The following NXT2 variants were observed in gnomAD, a reference collection of about 807,000 sequenced individuals.
The protein encoded by NXT2 is NTF2-related export protein 2.
NXT2 carries 1 observed loss-of-function variant against 9.6 expected under a neutral mutation model. The observed-to-expected ratio is 0.10, with a 90% CI of 0.04 to 0.49. NXT2 has a LOEUF of 0.49. Among genes scored for constraint, NXT2 ranks in the 20% least tolerant of loss-of-function variants. The pLI is 0.95. For synonymous variants in NXT2, 22 were observed against 35.4 expected, an observed-to-expected ratio of 0.62 and a Z score of 1.34; for missense variants, 48 against 100.3, an observed-to-expected ratio of 0.48 and a Z score of 2.23.
At chrX:109,541,443 T>C in intron 2 of NXT2, 32 bp from the exon 3 acceptor site, 1 of 1,139,045 alleles carries the variant, frequency 8.8e-7, no homozygotes, top group Non-Finnish European at 1.2e-6. Context: ...AACAGAATTA[T>C]TTCCCTTTTT....
chrX:109,544,345 T>C lies in NXT2; in HGVS notation c.*1657T>C. 2 of 112,775 alleles carry C rather than the reference T, an allele frequency of 1.8e-5. No individual in the cohort carries two copies. The highest frequency in any genetic ancestry group is 5.5e-4 in the East Asian group (2 of 3,607). The allele number at this position is 112,775 out of a possible 1,213,427, so 9.3% of individuals were successfully genotyped here. ...AAACCATGCTTTCTTGTAGTACTGA[T>C]TGAAACTTACACGTTTTATTCTACT... is the stretch of plus-strand genomic sequence containing the variant. On this transcript the variant is annotated 3_prime_UTR_variant, in exon 4 of 4. Coordinates refer to ENST00000372106, the MANE Select transcript of NXT2 (RefSeq NM_001242617.2).
Position 109,542,665 on chromosome X carries a change from T to A in NXT2, c.406T>A (p.Phe136Ile). The change falls in exon 4 of 4, where the codon TTT (phenylalanine) becomes ATT (isoleucine). Residue 136 changes from phenylalanine (F) to isoleucine (I), a missense_variant. By Grantham distance (21) the Phe-to-Ile change is conservative. Coordinates refer to ENST00000372106, the MANE Select transcript of NXT2 (RefSeq NM_001242617.2). ...GAAGATTGCAAGTGATTGCTTCCGT[T>A]TTCAAGATTGGTCTAGTAGTTAAAG... The part of the protein sequence containing the change: ...VWKIASDCFR[F>I]QDWSSS 8.3e-7 allele frequency: 1 copy of A among 1,198,834 alleles called. No homozygotes were observed.
chrX:109,535,830 C>G, upstream of NXT2: 1 of 944,639 alleles, frequency 1.1e-6, no homozygotes, highest in South Asian at 2.4e-5. Flanking sequence ...AAGAAGCTTC[C>G]GTTAGTCCTA....
intron 1 of NXT2, 92 bp downstream of exon 1, chrX:109,537,113 G>A (rs1381624087): frequency 1.6e-5 from 18 of 1,123,099 alleles, no homozygotes; most frequent in Non-Finnish European, 1.9e-5. Context: ...TGCTCACGTG[G>A]ATAGGTGACG....
intron 2 of NXT2, among the ~76,000 whole-genome samples, chrX:109,539,644 A>T (rs1421255418): frequency 9.1e-6 from 1 of 109,686 alleles, no homozygotes; most frequent in Admixed American, 9.7e-5. Flanking sequence ...GGATTTTTTC[A>T]TATGTTTGCT....
chrX:109,537,907 T>A, intron 1 of NXT2, 138 bp from the exon 2 acceptor site: 1 of 381,829 alleles, frequency 2.6e-6, no homozygotes, highest in Non-Finnish European at 4.6e-6. Context: ...TTAAAATGTC[T>A]GAATTTATAT....
chrX:109,541,197 T>C (rs937826679), intron 2 of NXT2, among the ~76,000 whole-genome samples: 1 of 111,430 alleles, frequency 9.0e-6, no homozygotes, highest in African/African-American at 3.3e-5. Flanking sequence ...AGAACTTAAT[T>C]GGGTGGAAGG....
intron 2 of NXT2, among the ~76,000 whole-genome samples, chrX:109,539,242 A>G (rs1466817113): frequency 1.8e-5 from 2 of 112,180 alleles, no homozygotes; most frequent in African/African-American, 6.5e-5. Flanking sequence ...CATGGTGTAT[A>G]TGTGCCACAT....
In NXT2 at chrX:109,538,021, A is replaced by G. The variant is rs755795447; in HGVS notation, c.16-24A>G. 8 of 1,067,924 alleles carry G rather than the reference A, an allele frequency of 7.5e-6. No individual in the cohort carries two copies. The Admixed American group carries it at 1.1e-4, about 15-fold the overall frequency. 88.0% of individuals were successfully genotyped at this position (1,067,924 alleles called of 1,213,427 possible). On this transcript the variant is annotated intron_variant, in intron 1 of 3. Transcript: ENST00000372106. ...GAGGGGTTGAAAAGGTTGGTAATCT[A>G]TACTTCTGGAATTTTTCTTGTAGGA...
intron 2 of NXT2, 69 bp from the exon 3 acceptor site, chrX:109,541,406 T>G: frequency 1.0e-6 from 1 of 965,495 alleles, no homozygotes. Flanking sequence ...AATATTTTAA[T>G]CCATTTCTAT....
chrX:109,543,401 A>G lies in NXT2; in HGVS notation c.*713A>G, dbSNP rs1319599035. 2 of 111,977 alleles carry G rather than the reference A, an allele frequency of 1.8e-5. No homozygotes were observed. The highest frequency in any genetic ancestry group is 3.8e-5 in the Non-Finnish European group (2 of 53,057). 9.2% of individuals were successfully genotyped at this position (111,977 alleles called of 1,213,427 possible). ...AGCTCCAGGTCTATACATTTAGGTA[A>G]TGAATGGTAGTAGAACTAATAGCTT... On this transcript the variant is annotated 3_prime_UTR_variant, in exon 4 of 4. Coordinates refer to ENST00000372106, the MANE Select transcript of NXT2 (RefSeq NM_001242617.2).
chrX:109,538,167 A>T, intron 2 of NXT2, 36 bp downstream of exon 2: 1 of 837,656 alleles, frequency 1.2e-6, no homozygotes, highest in Non-Finnish European at 1.7e-6. Flanking sequence ...TTTATAGACT[A>T]CTACTCTTTA....
chrX:109,536,851 G>T lies in NXT2; in HGVS notation c.-156G>T. On this transcript the variant is annotated 5_prime_UTR_variant, in exon 1 of 4. Coordinates refer to ENST00000372106, the MANE Select transcript of NXT2 (RefSeq NM_001242617.2). ...CGGTGTGCTTTTAACGACGGACCGA[G>T]CTACTTCCGGGAGAGAATGGGAGGG... 1 of 1,140,060 alleles carries T rather than the reference G, an allele frequency of 8.8e-7. No individual in the cohort carries two copies. Among genetic ancestry groups the T allele is most frequent in the South Asian group, 2.1e-5 (1 of 48,293 alleles). The allele number at this position is 1,140,060 out of a possible 1,213,427, so 94.0% of individuals were successfully genotyped here. A position where few individuals can be genotyped will look rare whatever the true frequency, so the allele number is the denominator to read the frequency against.
chrX:109,537,236 T>C (rs1933299023), intron 1 of NXT2: 1 of 1,012,788 alleles, frequency 9.9e-7, no homozygotes, highest in South Asian at 3.2e-5. Context: ...GAAAGGACCC[T>C]GAGCTGGGAA....
In NXT2 at chrX:109,537,027, T is replaced by A; in HGVS notation, c.15+6T>A. 1 of 1,206,326 alleles carries A rather than the reference T, an allele frequency of 8.3e-7. No individual in the cohort carries two copies. Among genetic ancestry groups the A allele is most frequent in the Non-Finnish European group, 1.1e-6 (1 of 892,613 alleles). On this transcript the variant is annotated splice_donor_region_variant and intron_variant, in intron 1 of 3. Coordinates refer to ENST00000372106, the MANE Select transcript of NXT2 (RefSeq NM_001242617.2). ...CCCAGATGGCCACGTCTCTGGTGAG[T>A]GCCTGGGCCGTGGCAGGACGGCTGG...
chrX:109,542,628 C>A lies in NXT2; in HGVS notation c.369C>A (p.Asn123Lys). 1 of 1,205,840 alleles carries A rather than the reference C, an allele frequency of 8.3e-7. No homozygotes were observed. Among genetic ancestry groups the A allele is most frequent in the South Asian group, 1.8e-5 (1 of 55,888 alleles). Residue 123 changes from asparagine (N) to lysine (K), a missense_variant, in exon 4 of 4, where the codon AAC becomes AAA. Asn to Lys is a moderately conservative substitution (Grantham distance 94, BLOSUM62 0). Transcript: ENST00000372106. ...NFLLTAQSTP[N>K]NTVWKIASDC... ...TGCTGACTGCTCAGTCCACTCCCAA[C>A]AATACTGTGTGGAAGATTGCAAGTG...
rs1404910048 is a variant in NXT2, at chrX:109,543,437, A to C, written c.*749A>C. 1.8e-5 allele frequency: 2 copies of C among 111,966 alleles called. No individual in the cohort carries two copies. The highest frequency in any genetic ancestry group is 3.8e-5 in the Non-Finnish European group (2 of 53,016). 9.2% of individuals were successfully genotyped at this position (111,966 alleles called of 1,213,427 possible). On this transcript the variant is annotated 3_prime_UTR_variant, in exon 4 of 4. Transcript: ENST00000372106. ...TAGAACTAATAGCTTTAACAGGAGA[A>C]TAGGGAATGAGAAATAGAAATCCAA...
rs1199147673 is a variant in NXT2 at position 109,544,555 on chromosome X, T to A, written c.*1867T>A. ...GTTCATGATTGTTGTGTTTTAAGACTTGTATATAAACTGCTTTTTCCAAAC... is the reference window on the plus strand; with the variant it reads ...GTTCATGATTGTTGTGTTTTAAGACATGTATATAAACTGCTTTTTCCAAAC... On this transcript the variant is annotated 3_prime_UTR_variant, in exon 4 of 4. Transcript: ENST00000372106. 8.9e-6 allele frequency: 1 copy of A among 112,698 alleles called. No homozygotes were observed. The highest frequency in any genetic ancestry group is 1.9e-5 in the Non-Finnish European group (1 of 53,192). The allele number at this position is 112,698 out of a possible 1,213,427, so 9.3% of individuals were successfully genotyped here. A position where few individuals can be genotyped will look rare whatever the true frequency, so the allele number is the denominator to read the frequency against.
Position 109,541,625 on chromosome X carries a change from A to G in NXT2, c.247+6A>G. 1 of 1,184,001 alleles carries G rather than the reference A, an allele frequency of 8.4e-7. No individual in the cohort carries two copies. The highest frequency in any genetic ancestry group is 1.9e-5 in the South Asian group (1 of 52,660). ...AGATTGCCAACCAGTTCATGGTAAG[A>G]TCATGATCTTTCAAGATGCTTCCTT... On this transcript the variant is annotated splice_donor_region_variant and intron_variant, in intron 3 of 3. Coordinates refer to ENST00000372106, the MANE Select transcript of NXT2 (RefSeq NM_001242617.2).
Sources: gnomAD v4.1 joint callset for allele counts (sites outside exome capture counted in the v4.1 genomes callset) on GRCh38, gnomAD v4.1.1 for gene constraint, MANE v1.5 for transcripts, NCBI Gene and HGNC (gene_info 2026-07-23, HGNC 2026-07-21) for gene names.